ZNF878: variants seen among roughly 807,000 people sequenced by gnomAD.
The protein encoded by ZNF878 is zinc finger protein 878.
ZNF878 carries 10 observed loss-of-function variants against 11.1 expected under a neutral mutation model. The observed-to-expected ratio is 0.90, with a 90% CI of 0.56 to 1.53. ZNF878 has a LOEUF of 1.53. ZNF878 is among the 40% of genes most tolerant of loss of function. The probability of loss-of-function intolerance (pLI) is 0.00; values close to 1 mark genes in which losing one functional copy is unlikely to be tolerated. For synonymous variants in ZNF878, 165 were observed against 209.7 expected, an observed-to-expected ratio of 0.79 and a Z score of 1.84; for missense variants, 548 against 626.1, an observed-to-expected ratio of 0.88 and a Z score of 1.33.
intron 1 of ZNF878, among the ~76,000 whole-genome samples, 198 bp from the exon 2 acceptor site, chr19:12,046,958 T>C (rs1240372370): frequency 6.6e-6 from 1 of 152,160 alleles, no homozygotes; most frequent in Admixed American, 6.5e-5. Flanking sequence ...AGTTGAACTC[T>C]GGATGGGGTA....
Position 12,044,402 on chromosome 19 carries a change from G to A in ZNF878, c.999C>T (p.His333=). The part of the protein sequence containing the change: ...STSFRYHEKT[H]TGEKPYECKK... Reference sequence around the variant, plus strand: ...TACATTCATAAGGTTTCTCTCCAGTGTGAGTCTTTTCATGATAGCGAAAGG... The same window carrying A: ...TACATTCATAAGGTTTCTCTCCAGTATGAGTCTTTTCATGATAGCGAAAGG... The change falls in exon 4 of 4, where the codon CAC becomes CAT. Residue 333 remains histidine, a synonymous_variant. Transcript: ENST00000547628. The A allele has an allele frequency of 6.2e-7, 1 of 1,614,008 alleles. No individual in the cohort carries two copies. Among genetic ancestry groups the A allele is most frequent in the Non-Finnish European group, 8.5e-7 (1 of 1,179,994 alleles).
intron 3 of ZNF878, among the ~76,000 whole-genome samples, chr19:12,045,607 G>A (rs979944111): frequency 1.3e-4 from 20 of 151,538 alleles, no homozygotes; most frequent in Non-Finnish European, 1.9e-4. Flanking sequence ...AGATCACACC[G>A]CTGCACTCCA....
At chr19:12,050,208 G>A (rs1475135446) in intron 1 of ZNF878, among the ~76,000 whole-genome samples, 1 of 152,150 alleles carries the variant, frequency 6.6e-6, no homozygotes, top group Non-Finnish European at 1.5e-5. Context: ...CTGGGCGACA[G>A]AAAGAGACTC....
Position 12,046,714 on chromosome 19 carries a change from T to C in ZNF878, c.50A>G (p.Glu17Gly). The C allele has an allele frequency of 1.2e-6, 2 of 1,614,032 alleles. No individual in the cohort carries two copies. Among genetic ancestry groups the C allele is most frequent in the Non-Finnish European group, 8.5e-7 (1 of 1,179,974 alleles). Residue 17 changes from glutamate (E) to glycine (G), a missense_variant, in exon 2 of 4, where the codon GAG becomes GGG. Coordinates refer to ENST00000547628, the MANE Select transcript of ZNF878 (RefSeq NM_001080404.3). ...CTGGGAAGGATCCAGCAAAGCCCAC[T>C]CCTCCTGGGTGAAGTTCACAGCCAC... is the stretch of plus-strand genomic sequence containing the variant. ...EDVAVNFTQE[E>G]WALLDPSQKN... is the part of the protein sequence containing the mutation.
At chr19:12,049,078 T>A (rs1380269059) in intron 1 of ZNF878, among the ~76,000 whole-genome samples, 3 of 139,596 alleles carry the variant, frequency 2.1e-5, no homozygotes, top group Non-Finnish European at 4.6e-5. Flanking sequence ...AGGAGGCAGA[T>A]GTTGCAGTGA....
chr19:12,049,770 CA>C (rs947691511), intron 1 of ZNF878, among the ~76,000 whole-genome samples: 71 of 139,704 alleles, frequency 5.1e-4, no homozygotes, highest in African/African-American at 7.3e-4. Flanking sequence ...AACTCCATCT[CA>C]AAAAAAAAAA....
intron 1 of ZNF878, among the ~76,000 whole-genome samples, chr19:12,047,511 C>G (rs1288516485): frequency 6.6e-6 from 1 of 151,658 alleles, no homozygotes; most frequent in Non-Finnish European, 1.5e-5. Context: ...TTGCAGTGAG[C>G]CAAAAACGTG....
At chr19:12,045,612 A>G (rs1034573756) in intron 3 of ZNF878, among the ~76,000 whole-genome samples, 2 of 151,610 alleles carry the variant, frequency 1.3e-5, no homozygotes, top group South Asian at 2.1e-4. Context: ...ACACCGCTGC[A>G]CTCCAGCCTG....
Position 12,045,168 on chromosome 19 carries a change from T to C in ZNF878, c.233A>G (p.His78Arg). 6.2e-7 allele frequency: 1 copy of C among 1,612,030 alleles called. No individual in the cohort carries two copies. Among genetic ancestry groups the C allele is most frequent in the Non-Finnish European group, 8.5e-7 (1 of 1,178,978 alleles). The part of the protein sequence containing the change: ...GERLSESKES[H>R]QHGEVLTQVP... ...CTGTGTCAAAACTTCTCCATGCTGA[T>C]GACTTTCTTTACTTTCAGAGAGTCT... The change falls in exon 4 of 4, where the codon CAT becomes CGT. Residue 78 changes from histidine to arginine, a missense_variant. By Grantham distance (29) the His-to-Arg change is conservative (BLOSUM62 0). Coordinates refer to ENST00000547628, the MANE Select transcript of ZNF878 (RefSeq NM_001080404.3).
intron 1 of ZNF878, among the ~76,000 whole-genome samples, chr19:12,052,423 A>C (rs984605386): frequency 1.7e-4 from 26 of 152,192 alleles, no homozygotes; most frequent in African/African-American, 6.0e-4. Flanking sequence ...ACTGGAAAAA[A>C]AAAGGAACTG....
At chr19:12,050,123 G>C (rs182283812) in intron 1 of ZNF878, among the ~76,000 whole-genome samples, 1 of 152,278 alleles carries the variant, frequency 6.6e-6, no homozygotes, top group Admixed American at 6.5e-5. Context: ...TACTTGGGAG[G>C]CTGAAGCAGG....
At chr19:12,043,762 C>T (rs757233676), downstream of ZNF878, 4 of 1,507,088 alleles carry the variant, frequency 2.7e-6, no homozygotes, top group South Asian at 4.0e-5. Context: ...AGTTCTGAGT[C>T]CCATCTAAGG....
At chr19:12,048,334 C>A (rs902726344) in intron 1 of ZNF878, among the ~76,000 whole-genome samples, 1 of 150,870 alleles carries the variant, frequency 6.6e-6, no homozygotes, top group Admixed American at 6.6e-5. Context: ...CTGGCTAACA[C>A]CGTGAAACCG....
chr19:12,047,154 T>C (rs1353316387), intron 1 of ZNF878, among the ~76,000 whole-genome samples: 1 of 152,174 alleles, frequency 6.6e-6, no homozygotes, highest in Non-Finnish European at 1.5e-5. Context: ...TGAAAACGCC[T>C]GTTCACAAAG....
At chr19:12,046,451 T>C (rs1007621374) in intron 2 of ZNF878, 23 bp from the exon 3 acceptor site, 3 of 1,565,690 alleles carry the variant, frequency 1.9e-6, no homozygotes, top group Non-Finnish European at 1.7e-6. Context: ...CCCAGAAAAA[T>C]AGTCCTGAAT....
At chr19:12,051,982 G>C (rs916860856) in intron 1 of ZNF878, among the ~76,000 whole-genome samples, 1 of 152,170 alleles carries the variant, frequency 6.6e-6, no homozygotes, top group African/African-American at 2.4e-5. Context: ...GAATAACGTG[G>C]CAGATAACAG....
At chr19:12,045,866 C>T (rs1166673688) in intron 3 of ZNF878, among the ~76,000 whole-genome samples, 3 of 151,406 alleles carry the variant, frequency 2.0e-5, no homozygotes, top group South Asian at 2.1e-4. Flanking sequence ...ACTACAGGCA[C>T]GCACCACCAC....
At chr19:12,043,716 CA>C (rs1975417675), downstream of ZNF878, 2 of 1,297,086 alleles carry the variant, frequency 1.5e-6, no homozygotes, top group South Asian at 3.1e-5. Flanking sequence ...GCTGAGATTA[CA>C]GGTGTCTCTG....
chr19:12,047,565 TA>T (rs58640903), intron 1 of ZNF878, among the ~76,000 whole-genome samples: 1,919 of 140,038 alleles, frequency 0.014, 21 homozygotes, highest in African/African-American at 0.031. Context: ...CTCCATCGGT[TA>T]AAAAAAAAAA....
Sources: gnomAD v4.1 joint callset for allele counts (sites outside exome capture counted in the v4.1 genomes callset) on GRCh38, gnomAD v4.1.1 for gene constraint, MANE v1.5 for transcripts, NCBI Gene and HGNC (gene_info 2026-07-23, HGNC 2026-07-21) for gene names.